APBB2: variants seen among roughly 807,000 people sequenced by gnomAD.
APBB2 encodes the protein Fe65-like 1.
Under a neutral mutation model 82.5 loss-of-function variants are expected in APBB2, and 38 were observed. That is an observed-to-expected ratio of 0.46 (90% CI 0.36 to 0.60). The LOEUF is 0.60. Among genes scored for constraint, APBB2 ranks in the 20% least tolerant of loss-of-function variants. The probability of loss-of-function intolerance (pLI) is 0.00; values close to 1 mark genes in which losing one functional copy is unlikely to be tolerated. For synonymous variants in APBB2, 341 were observed against 368.2 expected (o/e 0.93, Z 0.85); for missense variants, 772 against 972.3 (o/e 0.79, Z 2.74).
At chr4:41,198,531 A>G in intron 1 of APBB2, among the ~76,000 whole-genome samples, 4 of 152,216 alleles carry the variant, frequency 2.6e-5, no homozygotes, top group Non-Finnish European at 4.4e-5. Context: ...CCTATTTTAC[A>G]GATGAGTCAA....
At chr4:41,195,689 G>C in intron 1 of APBB2, among the ~76,000 whole-genome samples, 9,773 of 152,128 alleles carry the variant, frequency 0.064, 417 homozygotes, top group South Asian at 0.16. Flanking sequence ...CAGCCCTACA[G>C]GTTGTTTTCC....
chr4:40,912,459 C>T (rs945307215), intron 10 of APBB2, among the ~76,000 whole-genome samples: 3 of 152,066 alleles, frequency 2.0e-5, no homozygotes, highest in Non-Finnish European at 4.4e-5. Context: ...CGCCTGTAAT[C>T]CCAGATACTC....
intron 3 of APBB2, among the ~76,000 whole-genome samples, chr4:41,082,357 G>A (rs1012380788): frequency 9.9e-5 from 15 of 152,036 alleles, no homozygotes; most frequent in African/African-American, 1.9e-4. Context: ...ATCAAACATC[G>A]GGGGGTGTCC....
intron 1 of APBB2, among the ~76,000 whole-genome samples, chr4:41,178,991 A>G (rs1424055805): frequency 6.6e-6 from 1 of 152,174 alleles, no homozygotes; most frequent in South Asian, 2.1e-4. Context: ...AATATTTATT[A>G]AGGACTGTGA....
intron 5 of APBB2, among the ~76,000 whole-genome samples, chr4:41,021,877 G>A (rs968101711): frequency 6.6e-6 from 1 of 152,016 alleles, no homozygotes; most frequent in East Asian, 1.9e-4. Flanking sequence ...GCAAAACCAC[G>A]AACCCACTGG....
intron 6 of APBB2, among the ~76,000 whole-genome samples, chr4:40,980,003 G>A (rs1165198632): frequency 6.6e-6 from 1 of 152,122 alleles, no homozygotes; most frequent in Non-Finnish European, 1.5e-5. Context: ...GGAACTACTT[G>A]CCTATTTCAC....
intron 12 of APBB2, chr4:40,856,849 C>A: frequency 1.4e-6 from 1 of 739,016 alleles, no homozygotes; most frequent in Non-Finnish European, 1.7e-6. Flanking sequence ...CCCTTCCAGC[C>A]GTCCAGGACC....
At chr4:40,864,467 C>G (rs1763569091) in intron 12 of APBB2, among the ~76,000 whole-genome samples, 1 of 152,066 alleles carries the variant, frequency 6.6e-6, no homozygotes, top group Non-Finnish European at 1.5e-5. Flanking sequence ...TCAACTCTAA[C>G]AAAAATTTTG....
At position 40,841,492 on chromosome 4, in the gene APBB2, CTT is replaced by C. The variant is rs376172442; in HGVS notation, c.1530-10917_1530-10916del. On this transcript the variant is annotated intron_variant, in intron 12 of 17. Coordinates refer to ENST00000508593, the MANE Select transcript of APBB2 (RefSeq NM_004307.2). ...AAAAACACAACTGAGGTCAAAATCTCTTGTTTCATAGGTATGTCTTTTCTGTG... is the reference window on the plus strand; with the variant it reads ...AAAAACACAACTGAGGTCAAAATCTCGTTTCATAGGTATGTCTTTTCTGTG... Among the ~76,000 whole-genome samples the C allele has an allele frequency of 7.8e-4, 119 of 152,200 alleles. 2 individuals carry two copies. Among genetic ancestry groups the C allele is most frequent in the African/African-American group, 2.1e-3 (87 of 41,502 alleles).
intron 4 of APBB2, among the ~76,000 whole-genome samples, chr4:41,041,206 G>T (rs1721336630): frequency 6.6e-6 from 1 of 152,126 alleles, no homozygotes; most frequent in Admixed American, 6.5e-5. Context: ...AACTCACTCT[G>T]GGGGTGGGTT....
chr4:41,039,867 T>C (rs545395766), intron 4 of APBB2, among the ~76,000 whole-genome samples: 2 of 151,946 alleles, frequency 1.3e-5, no homozygotes, highest in South Asian at 2.1e-4. Context: ...ACTGCTATTA[T>C]TGCTGTTGTT....
intron 2 of APBB2, among the ~76,000 whole-genome samples, chr4:41,120,938 T>G (rs10027037): frequency 1.3e-5 from 2 of 152,042 alleles, no homozygotes; most frequent in Admixed American, 1.3e-4. Flanking sequence ...TATACACAGA[T>G]AGTGACTAAT....
chr4:40,967,434 C>T (rs1318211557), intron 6 of APBB2, among the ~76,000 whole-genome samples: 1 of 152,222 alleles, frequency 6.6e-6, no homozygotes, highest in Non-Finnish European at 1.5e-5. Flanking sequence ...TGAGCCAGGG[C>T]TATGACTCCC....
chr4:40,953,208 G>T (rs1159919528), intron 6 of APBB2, among the ~76,000 whole-genome samples: 2 of 148,020 alleles, frequency 1.4e-5, no homozygotes, highest in African/African-American at 5.0e-5. Context: ...TGAGGTAGGG[G>T]AATCACCTGA....
chr4:40,910,813 A>AT (rs747888947), intron 10 of APBB2, among the ~76,000 whole-genome samples: 37 of 152,276 alleles, frequency 2.4e-4, no homozygotes, highest in Non-Finnish European at 5.3e-4. Flanking sequence ...CCTTCAGCAC[A>AT]TTCATCGTCC....
intron 3 of APBB2, among the ~76,000 whole-genome samples, chr4:41,074,588 A>G (rs192424036): frequency 3.2e-4 from 48 of 150,318 alleles, no homozygotes; most frequent in Non-Finnish European, 5.9e-4. Flanking sequence ...TACCATATGA[A>G]GGCAAATATT....
At chr4:40,872,377 G>A (rs1424282091) in intron 12 of APBB2, among the ~76,000 whole-genome samples, 1 of 152,204 alleles carries the variant, frequency 6.6e-6, no homozygotes, top group African/African-American at 2.4e-5. Flanking sequence ...GAACAGGTGG[G>A]ACCTGCACTA....
intron 13 of APBB2, among the ~76,000 whole-genome samples, chr4:40,827,470 T>G (rs975503181): frequency 6.6e-6 from 1 of 152,104 alleles, no homozygotes; most frequent in African/African-American, 2.4e-5. Flanking sequence ...AATGGACTTC[T>G]TCCATTCACC....
intron 4 of APBB2, among the ~76,000 whole-genome samples, chr4:41,037,407 G>A (rs893661427): frequency 2.6e-5 from 4 of 152,100 alleles, no homozygotes; most frequent in Non-Finnish European, 5.9e-5. Context: ...CTTTTTAAAA[G>A]TTTCTACTTC....
Sources: allele counts gnomAD v4.1 joint callset (sites outside exome capture counted in the v4.1 genomes callset), GRCh38; gene constraint gnomAD v4.1.1; transcripts MANE v1.5; gene names NCBI Gene and HGNC (gene_info 2026-07-23, HGNC 2026-07-21).